The following PLCB4 variants were observed in gnomAD, a reference collection of about 807,000 sequenced individuals.
PLCB4 encodes the protein phospholipase C beta 4.
PLCB4 carries 77 observed loss-of-function variants against 178.8 expected under a neutral mutation model. That is an observed-to-expected ratio of 0.43 (90% CI 0.36 to 0.52). PLCB4 has a LOEUF of 0.52. Among genes scored for constraint, PLCB4 ranks in the 20% least tolerant of loss-of-function variants. The pLI, the probability that PLCB4 is intolerant of heterozygous loss-of-function variation, is 0.00. For missense variants in PLCB4, 1,024 were observed against 1,453.4 expected, an observed-to-expected ratio of 0.70 and a Z score of 4.80; for synonymous variants, 496 against 490.8, an observed-to-expected ratio of 1.01 and a Z score of -0.14.
At chr20:9,457,971 A>G (rs542471242) in intron 34 of PLCB4, among the ~76,000 whole-genome samples, 1 of 152,308 alleles carries the variant, frequency 6.6e-6, no homozygotes, top group South Asian at 2.1e-4. Context: ...TCTTAAAGAC[A>G]GGAGAAAATA....
chr20:9,250,089 G>C (rs1047486733), intron 3 of PLCB4, among the ~76,000 whole-genome samples: 1 of 152,204 alleles, frequency 6.6e-6, no homozygotes, highest in Non-Finnish European at 1.5e-5. Flanking sequence ...AATTTAACTT[G>C]TTAAAGTTAT....
At chr20:9,267,579 AC>A (rs1403404903) in intron 3 of PLCB4, among the ~76,000 whole-genome samples, 4 of 151,212 alleles carry the variant, frequency 2.6e-5, no homozygotes, top group East Asian at 1.9e-4. Context: ...TCAGTTATTG[AC>A]CTTTTTGGGG....
intron 35 of PLCB4, among the ~76,000 whole-genome samples, chr20:9,463,658 C>CA (rs1200561121): frequency 6.8e-6 from 1 of 147,980 alleles, no homozygotes; most frequent in African/African-American, 2.5e-5. Context: ...GACTTTAAAC[C>CA]AACAAAGATC....
intron 3 of PLCB4, among the ~76,000 whole-genome samples, chr20:9,302,422 T>C (rs1016698579): frequency 6.6e-6 from 1 of 152,176 alleles, no homozygotes; most frequent in African/African-American, 2.4e-5. Flanking sequence ...GTCATCATTG[T>C]ACCATGTGTG....
chr20:9,471,103 C>A (rs2044160398), intron 36 of PLCB4, among the ~76,000 whole-genome samples: 1 of 151,996 alleles, frequency 6.6e-6, no homozygotes, highest in Non-Finnish European at 1.5e-5. Context: ...ATATTTATAA[C>A]TGAATGACAA....
intron 7 of PLCB4, among the ~76,000 whole-genome samples, chr20:9,339,954 A>G (rs2032984000): frequency 6.6e-6 from 1 of 152,174 alleles, no homozygotes; most frequent in Admixed American, 6.5e-5. Flanking sequence ...CTCTGTACAG[A>G]GCTCCCATTA....
chr20:9,400,185 G>T (rs1246464470), intron 19 of PLCB4, among the ~76,000 whole-genome samples: 1 of 152,096 alleles, frequency 6.6e-6, no homozygotes, highest in African/African-American at 2.4e-5. Context: ...GAAGAGGAAG[G>T]TGGCTGTTTC....
chr20:9,116,866 G>A (rs896007414), intron 2 of PLCB4, among the ~76,000 whole-genome samples: 5 of 152,198 alleles, frequency 3.3e-5, no homozygotes, highest in South Asian at 2.1e-4. Context: ...CATTTTTAAT[G>A]TCTCTCAAAA....
Position 9,112,256 on chromosome 20 carries a change from C to CTT in PLCB4, c.-79+15930_-79+15931dup, listed in dbSNP as rs924027156. Among the ~76,000 whole-genome samples, 417 of 137,150 alleles carry CTT rather than the reference C, an allele frequency of 3.0e-3. 2 individuals are homozygous for CTT. Among genetic ancestry groups the CTT allele is most frequent in the African/African-American group, 9.6e-3 (362 of 37,808 alleles). 90.0% of individuals were successfully genotyped at this position (137,150 alleles called of 152,430 possible). On this transcript the variant is annotated intron_variant, in intron 2 of 39. Transcript: ENST00000378473. Reference sequence around the variant, plus strand: ...GACCTGTTGAAACAAATACCCTACTCTTTTTTTTTTTTTTTTTGAGATAGA... The same window carrying CTT: ...GACCTGTTGAAACAAATACCCTACTCTTTTTTTTTTTTTTTTTTTGAGATAGA...
chr20:9,451,503 G>A (rs1168546874), intron 32 of PLCB4, among the ~76,000 whole-genome samples: 2 of 152,114 alleles, frequency 1.3e-5, no homozygotes, highest in African/African-American at 4.8e-5. Flanking sequence ...CAACCATAAT[G>A]ATTTCTAAAT....
chr20:9,360,219 GGGCTTCTGA>G (rs2035201477), intron 7 of PLCB4, among the ~76,000 whole-genome samples: 1 of 152,158 alleles, frequency 6.6e-6, no homozygotes, highest in South Asian at 2.1e-4. Context: ...GTTCCCTTTA[GGGCTTCTGA>G]GGATGCTGGT....
chr20:9,160,594 TA>T (rs575913736), intron 2 of PLCB4, among the ~76,000 whole-genome samples: 3 of 152,280 alleles, frequency 2.0e-5, no homozygotes, highest in African/African-American at 7.2e-5. Flanking sequence ...TTTTTGCAAC[TA>T]AAAAAGAATG....
intron 3 of PLCB4, among the ~76,000 whole-genome samples, chr20:9,256,205 G>T (rs972156339): frequency 6.6e-6 from 1 of 152,148 alleles, no homozygotes; most frequent in African/African-American, 2.4e-5. Flanking sequence ...GTTGTCCCTT[G>T]TAACAAGATC....
intron 3 of PLCB4, among the ~76,000 whole-genome samples, chr20:9,261,344 T>TA (rs1383718704): frequency 6.6e-6 from 1 of 152,210 alleles, no homozygotes; most frequent in Admixed American, 6.5e-5. Context: ...ATTAAATACT[T>TA]ACAGTAATTC....
At chr20:9,443,929 TTCTC>T in intron 30 of PLCB4, 48 bp from the exon 31 acceptor site, 1 of 1,018,248 alleles carries the variant, frequency 9.8e-7, no homozygotes, top group Non-Finnish European at 1.5e-6. Context: ...TTACCAGTTA[TTCTC>T]TCTGATTTTT....
At chr20:9,268,998 C>A (rs2094376906) in intron 3 of PLCB4, among the ~76,000 whole-genome samples, 1 of 152,160 alleles carries the variant, frequency 6.6e-6, no homozygotes, top group South Asian at 2.1e-4. Flanking sequence ...GGTGGGTAAG[C>A]ATATTGAATT....
intron 19 of PLCB4, among the ~76,000 whole-genome samples, chr20:9,395,842 T>C (rs2038539722): frequency 6.6e-6 from 1 of 152,018 alleles, no homozygotes; most frequent in Non-Finnish European, 1.5e-5. Context: ...CGTGGTGGCC[T>C]GTGTCTGTAG....
chr20:9,110,338 A>G (rs1336970617), intron 2 of PLCB4, among the ~76,000 whole-genome samples: 2 of 152,198 alleles, frequency 1.3e-5, no homozygotes, highest in Admixed American at 1.3e-4. Context: ...GGATTTAAAC[A>G]TCTTTCAATG....
Position 9,407,910 on chromosome 20 carries a change from C to A in PLCB4, c.1648-7C>A. ...CAACTTATATGTTTTCTTCCTTGTGCTTGTAGGGCCTGGTCACTGTAGAAG... is the reference window on the plus strand; with the variant it reads ...CAACTTATATGTTTTCTTCCTTGTGATTGTAGGGCCTGGTCACTGTAGAAG... On this transcript the variant is annotated splice_polypyrimidine_tract_variant and splice_region_variant and intron_variant, in intron 21 of 39. Coordinates refer to ENST00000378473, the MANE Select transcript of PLCB4 (RefSeq NM_001377142.1). 6.2e-7 allele frequency: 1 copy of A among 1,606,582 alleles called. No homozygotes were observed.
Sources: allele counts gnomAD v4.1 joint callset (sites outside exome capture counted in the v4.1 genomes callset), GRCh38; gene constraint gnomAD v4.1.1; transcripts MANE v1.5; gene names NCBI Gene and HGNC (gene_info 2026-07-23, HGNC 2026-07-21).